The following CCDC163 variants were observed in gnomAD, a reference collection of about 807,000 sequenced individuals.
CCDC163 encodes the protein transmembrane protein CCDC163.
In CCDC163, 13 loss-of-function variants were observed where a neutral mutation model predicts 8.2. The ratio of observed to expected loss-of-function variants is 1.59; its 90% CI spans 1.04 to 2.54. The LOEUF is 2.54. Ranked by LOEUF, CCDC163 falls within the 30% of genes most tolerant of loss-of-function variation. The pLI is 0.00. For missense variants in CCDC163, 117 were observed against 78.6 expected (o/e 1.49, Z -1.85); for synonymous variants, 41 against 30.9 (o/e 1.33, Z -1.08).
intron 2 of CCDC163, among the ~76,000 whole-genome samples, chr1:45,497,646 C>A: frequency 9.7e-6 from 1 of 103,060 alleles, no homozygotes; most frequent in Non-Finnish European, 1.9e-5. Flanking sequence ...GCCCGGCCGC[C>A]ACCCCGTCTG....
Position 45,499,602 on chromosome 1 carries a change from G to A in CCDC163, c.8C>T (p.Thr3Met). The A allele has an allele frequency of 3.9e-6, 3 of 770,824 alleles. No homozygotes were observed. The highest frequency in any genetic ancestry group is 2.3e-4 in the Middle Eastern group (1 of 4,436). 47.7% of individuals were successfully genotyped at this position (770,824 alleles called of 1,614,324 possible). A position where few individuals can be genotyped will look rare whatever the true frequency, so the allele number is the denominator to read the frequency against. MN[T>M]SLSWFEQLDV... ...CAGCTGCTCAAACCAGCTGAGGCTC[G>A]TATTCATATCCTGTGGCAGGGGAGC... is the stretch of plus-strand genomic sequence containing the variant. The change falls in exon 1 of 5, where the codon ACG becomes ATG. Residue 3 changes from threonine to methionine, a missense_variant. By Grantham distance (81) the Thr-to-Met change is moderately conservative (BLOSUM62 -1). Coordinates refer to ENST00000629482, the MANE Select transcript of CCDC163 (RefSeq NM_001102601.3).
chr1:45,497,906 C>A (rs1354732662), intron 2 of CCDC163, among the ~76,000 whole-genome samples: 1 of 146,644 alleles, frequency 6.8e-6, no homozygotes, highest in Non-Finnish European at 1.5e-5. Flanking sequence ...GAGAACGGGC[C>A]AGGATGACAA....
At position 45,495,131 on chromosome 1, in the gene CCDC163, T is replaced by C. The variant is rs1383501784; in HGVS notation, c.366A>G (p.Pro122=). ...PRGAPFLTWS[P]ASFSSMPRVL... ...CTCTGGGCATGGAGCTGAAAGATGCTGGGCTCCAGGTTAGAAAGGGTGCTC... is the reference window on the plus strand; with the variant it reads ...CTCTGGGCATGGAGCTGAAAGATGCCGGGCTCCAGGTTAGAAAGGGTGCTC... The change falls in exon 5 of 5, where the codon CCA becomes CCG. Residue 122 remains proline, a synonymous_variant. Transcript: ENST00000629482. 1.3e-6 allele frequency: 1 copy of C among 780,800 alleles called. No individual in the cohort carries two copies. The highest frequency in any genetic ancestry group is 2.4e-5 in the East Asian group (1 of 41,240). The allele number at this position is 780,800 out of a possible 1,614,324, so 48.4% of individuals were successfully genotyped here.
rs565261272 is a variant in CCDC163 at position 45,499,187 on chromosome 1, C to A, written c.177+158G>T. On this transcript the variant is annotated intron_variant, in intron 2 of 4. Transcript: ENST00000629482. Reference sequence around the variant, plus strand: ...ATCCAGGTCCCAGCCAGGTCCCCGGCTGAGGAAATAAGGAAGGGTTAAGTG... The same window carrying A: ...ATCCAGGTCCCAGCCAGGTCCCCGGATGAGGAAATAAGGAAGGGTTAAGTG... Among the ~76,000 whole-genome samples the A allele has an allele frequency of 3.3e-5, 5 of 152,220 alleles. No homozygotes were observed. The East Asian group carries it at 9.6e-4, about 29-fold the overall frequency.
chr1:45,499,289 C>A, intron 2 of CCDC163, 56 bp downstream of exon 2: 1 of 730,442 alleles, frequency 1.4e-6, no homozygotes, highest in Admixed American at 2.0e-5. Flanking sequence ...GATACGGGCA[C>A]TGGAGGAAGG....
chr1:45,498,753 G>A (rs1368595002), intron 2 of CCDC163: 2 of 160,980 alleles, frequency 1.2e-5, no homozygotes, highest in Non-Finnish European at 2.7e-5. Context: ...TGGCAAAATT[G>A]TGTGCATACA....
At chr1:45,496,922 AGGCCAAGGCAGGCG>A (rs1654202224) in intron 3 of CCDC163, among the ~76,000 whole-genome samples, 2 of 152,258 alleles carry the variant, frequency 1.3e-5, no homozygotes, top group South Asian at 4.1e-4. Context: ...GCACTTTGGG[AGGCCAAGGCAGGCG>A]GATCATCTGA....
chr1:45,499,430 G>A lies in CCDC163; in HGVS notation c.92C>T (p.Pro31Leu), dbSNP rs200044008. 2 of 772,376 alleles carry A rather than the reference G, an allele frequency of 2.6e-6. No individual in the cohort carries two copies. The highest frequency in any genetic ancestry group is 2.6e-5 in the East Asian group (1 of 38,910). The allele number at this position is 772,376 out of a possible 1,614,324, so 47.8% of individuals were successfully genotyped here. A position where few individuals can be genotyped will look rare whatever the true frequency, so the allele number is the denominator to read the frequency against. The change falls in exon 2 of 5, where the codon CCT (proline) becomes CTT (leucine). Residue 31 changes from proline (P) to leucine (L), a missense_variant. Coordinates refer to ENST00000629482, the MANE Select transcript of CCDC163 (RefSeq NM_001102601.3). ...NVVRNKQWLYPLGVSTELIGL... is the reference protein window; with the variant it reads ...NVVRNKQWLYLLGVSTELIGL... The stretch of plus-strand genomic sequence containing the variant: ...AATGAGCTCTGTGGAGACCCCAAGA[G>A]GATACAGCCACTGCTACAAAAGAAA...
chr1:45,496,771 C>A, intron 3 of CCDC163, 148 bp from the exon 4 acceptor site: 1 of 622,980 alleles, frequency 1.6e-6, no homozygotes, highest in Non-Finnish European at 2.9e-6. Flanking sequence ...AGAGATTAAA[C>A]TCACACCATG....
At chr1:45,496,117 C>T (rs1570799037) in intron 4 of CCDC163, 2 of 293,132 alleles carry the variant, frequency 6.8e-6, no homozygotes, top group South Asian at 3.5e-5. Context: ...AGTGCCCGAC[C>T]TGTGAGACAA....
chr1:45,495,370 T>C, intron 4 of CCDC163: 1 of 702,930 alleles, frequency 1.4e-6, no homozygotes, highest in Non-Finnish European at 2.6e-6. Context: ...TCAGGCACCA[T>C]TCAGATTTAG....
In CCDC163 at chr1:45,499,767, A is replaced by C; in HGVS notation, c.-158T>G. The C allele has an allele frequency of 1.6e-6, 1 of 613,574 alleles. No homozygotes were observed. The highest frequency in any genetic ancestry group is 2.9e-6 in the Non-Finnish European group (1 of 341,754). 38.0% of individuals were successfully genotyped at this position (613,574 alleles called of 1,614,324 possible). On this transcript the variant is annotated 5_prime_UTR_variant, in exon 1 of 5. Transcript: ENST00000629482. ...CTGGGGTAGGTGGATGCACTATCAG[A>C]CCAAAACTGCGATCCTGTGACTAGG...
intron 2 of CCDC163, 97 bp downstream of exon 2, chr1:45,499,248 A>C: frequency 1.4e-6 from 1 of 714,334 alleles, no homozygotes; most frequent in Non-Finnish European, 2.6e-6. Flanking sequence ...TCAGGAAAGG[A>C]CAGAGTTGGA....
intron 4 of CCDC163, chr1:45,496,239 T>C: frequency 2.3e-6 from 1 of 428,196 alleles, no homozygotes; most frequent in Non-Finnish European, 4.4e-6. Context: ...CTTGCCTTCC[T>C]GGCCACTTTG....
In CCDC163 at chr1:45,499,488, C is replaced by T. The variant is rs534420690; in HGVS notation, c.78+44G>A. On this transcript the variant is annotated intron_variant, in intron 1 of 4. Transcript: ENST00000629482. ...ACAGGCCAATGAACTCTGAGAGTCC[C>T]TTAGCCTCCCCACGCAAACTGGGGA... 10 of 777,186 alleles carry T rather than the reference C, an allele frequency of 1.3e-5. No homozygotes were observed. In the African/African-American group the frequency reaches 1.5e-4, roughly 12 times the overall value. The allele number at this position is 777,186 out of a possible 1,614,324, so 48.1% of individuals were successfully genotyped here.
intron 2 of CCDC163, among the ~76,000 whole-genome samples, chr1:45,497,660 A>T (rs186097550): frequency 4.9e-5 from 4 of 80,846 alleles, no homozygotes; most frequent in Non-Finnish European, 9.7e-5. Flanking sequence ...CCGTCTGGGA[A>T]GTGAGGAGCG....
Position 45,494,195 on chromosome 1 carries a change from C to T in CCDC163, c.*864G>A, listed in dbSNP as rs1419236943. 2.0e-5 allele frequency: 3 copies of T among 152,178 alleles called. No individual in the cohort carries two copies. Among genetic ancestry groups the T allele is most frequent in the African/African-American group, 7.2e-5 (3 of 41,406 alleles). 9.4% of individuals were successfully genotyped at this position (152,178 alleles called of 1,614,324 possible). A position where few individuals can be genotyped will look rare whatever the true frequency, so the allele number is the denominator to read the frequency against. On this transcript the variant is annotated 3_prime_UTR_variant, in exon 5 of 5. Coordinates refer to ENST00000629482, the MANE Select transcript of CCDC163 (RefSeq NM_001102601.3). The stretch of plus-strand genomic sequence containing the variant: ...GGGCTAGGCATGGTAGCAGCTCACA[C>T]CTGTAATCTGAACACTTTGGGAGGC...
intron 2 of CCDC163, among the ~76,000 whole-genome samples, chr1:45,499,056 G>A (rs970178816): frequency 6.6e-6 from 1 of 152,214 alleles, no homozygotes; most frequent in Non-Finnish European, 1.5e-5. Flanking sequence ...GAGAGGATGG[G>A]CTCTAGGACT....
chr1:45,497,644 GC>G (rs1654298972), intron 2 of CCDC163, among the ~76,000 whole-genome samples: 1 of 101,412 alleles, frequency 9.9e-6, no homozygotes, highest in Admixed American at 1.2e-4. Flanking sequence ...CTGCCCGGCC[GC>G]CACCCCGTCT....
Sources: allele counts gnomAD v4.1 joint callset (sites outside exome capture counted in the v4.1 genomes callset), GRCh38; gene constraint gnomAD v4.1.1; transcripts MANE v1.5; gene names NCBI Gene and HGNC (gene_info 2026-07-23, HGNC 2026-07-21).